The following DAB1 variants were observed in gnomAD, a reference collection of about 807,000 sequenced individuals.
The protein encoded by DAB1 is disabled homolog 1.
A neutral mutation model predicts 64.6 loss-of-function variants in DAB1; 15 were observed. That is an observed-to-expected ratio of 0.23 (90% CI 0.16 to 0.36). The LOEUF (loss-of-function observed/expected upper bound fraction) is 0.36, where lower values mean the gene tolerates loss of function less well. Ranked by LOEUF, DAB1 falls within the 10% of genes least tolerant of loss-of-function variation. DAB1 has a pLI of 1.00. For synonymous variants in DAB1, 235 were observed against 251.9 expected (o/e 0.93, Z 0.64); for missense variants, 596 against 706.7 (o/e 0.84, Z 1.78).
intron 5 of DAB1, among the ~76,000 whole-genome samples, chr1:58,101,303 C>T (rs986051809): frequency 4.6e-5 from 7 of 151,818 alleles, no homozygotes; most frequent in African/African-American, 1.7e-4. Flanking sequence ...GGCGACAGAG[C>T]GAGACTCCGT....
At chr1:58,404,140 A>T (rs1421848157) in intron 3 of DAB1, among the ~76,000 whole-genome samples, 1 of 152,100 alleles carries the variant, frequency 6.6e-6, no homozygotes, top group Non-Finnish European at 1.5e-5. Context: ...CATCCAGGGG[A>T]GTGGTGAGAC....
chr1:57,751,428 C>G (rs907644319), intron 6 of DAB1, among the ~76,000 whole-genome samples: 30 of 152,036 alleles, frequency 2.0e-4, no homozygotes, highest in African/African-American at 7.0e-4. Context: ...TGAGCAGCAA[C>G]TGGAGGGGGA....
intron 1 of DAB1, among the ~76,000 whole-genome samples, chr1:57,358,062 G>T (rs909405586): frequency 2.0e-5 from 3 of 151,958 alleles, no homozygotes; most frequent in Admixed American, 2.0e-4. Context: ...AGTCTTTAGG[G>T]TTTTCTATAT....
At chr1:58,188,021 G>T (rs1453571946) in intron 4 of DAB1, among the ~76,000 whole-genome samples, 1 of 151,368 alleles carries the variant, frequency 6.6e-6, no homozygotes, top group East Asian at 1.9e-4. Flanking sequence ...CGATTCTCCT[G>T]CCTCAGCCTC....
At chr1:58,449,738 C>T (rs969732807) in intron 3 of DAB1, among the ~76,000 whole-genome samples, 1 of 125,062 alleles carries the variant, frequency 8.0e-6, no homozygotes, top group Non-Finnish European at 1.9e-5. Context: ...GAGACAACTT[C>T]CTGAAGCCAG....
intron 4 of DAB1, among the ~76,000 whole-genome samples, chr1:58,326,110 C>T (rs1445257134): frequency 2.0e-5 from 3 of 152,182 alleles, no homozygotes; most frequent in Admixed American, 6.5e-5. Context: ...TCCCCAATCA[C>T]GTAGCATTAT....
intron 7 of DAB1, among the ~76,000 whole-genome samples, chr1:57,530,075 G>A (rs745452067): frequency 1.3e-5 from 2 of 152,134 alleles, no homozygotes; most frequent in African/African-American, 4.8e-5. Flanking sequence ...AGAATCCAGA[G>A]TAAATACATG....
intron 5 of DAB1, among the ~76,000 whole-genome samples, chr1:58,026,730 G>A (rs1217165931): frequency 6.6e-6 from 1 of 152,182 alleles, no homozygotes; most frequent in Admixed American, 6.5e-5. Flanking sequence ...TCTTTCATGG[G>A]TTGCTCCTTT....
At chr1:57,557,505 G>T (rs1217382638) in intron 7 of DAB1, among the ~76,000 whole-genome samples, 1 of 151,734 alleles carries the variant, frequency 6.6e-6, no homozygotes, top group Non-Finnish European at 1.5e-5. Flanking sequence ...TGTACCTCTA[G>T]AAAACCCTGA....
chr1:57,428,841 CAA>C (rs55678877), upstream of DAB1, among the ~76,000 whole-genome samples: 1,604 of 69,606 alleles, frequency 0.023, 34 homozygotes, highest in African/African-American at 0.069. Context: ...TTGTCTTTTA[CAA>C]AAAAAAAAAA....
chr1:57,237,897 A>C (rs2764663), intron 2 of DAB1, among the ~76,000 whole-genome samples: 71,648 of 151,906 alleles, frequency 0.47, 18,871 homozygotes, highest in East Asian at 0.59. Flanking sequence ...TATGGACATA[A>C]AATTAATGGA....
At chr1:58,173,346 C>T (rs937435430) in intron 4 of DAB1, among the ~76,000 whole-genome samples, 2 of 152,174 alleles carry the variant, frequency 1.3e-5, no homozygotes, top group African/African-American at 4.8e-5. Context: ...CAGCTCCATT[C>T]AGATGGCTTG....
chr1:57,101,081 A>C (rs542404104), intron 4 of DAB1, among the ~76,000 whole-genome samples: 1 of 152,200 alleles, frequency 6.6e-6, no homozygotes, highest in African/African-American at 2.4e-5. Flanking sequence ...CCCACAGCCC[A>C]TCCACATCTG....
At chr1:57,281,407 T>A (rs1570150457) in intron 2 of DAB1, among the ~76,000 whole-genome samples, 1 of 152,238 alleles carries the variant, frequency 6.6e-6, no homozygotes, top group Admixed American at 6.5e-5. Flanking sequence ...AGAAAAAATG[T>A]ATTCCCAGGA....
intron 1 of DAB1, among the ~76,000 whole-genome samples, chr1:58,533,426 A>C (rs34404284): frequency 0.019 from 2,919 of 152,242 alleles, 36 homozygotes; most frequent in Non-Finnish European, 0.029. Flanking sequence ...TAAAATTATG[A>C]ATGGGAAGCC....
chr1:57,154,630 T>C (rs1660036779), intron 2 of DAB1, among the ~76,000 whole-genome samples: 1 of 152,218 alleles, frequency 6.6e-6, no homozygotes, highest in African/African-American at 2.4e-5. Flanking sequence ...CTGTTCTCCA[T>C]AGTGGTTGTA....
At chr1:57,579,882 T>A (rs751051382) in intron 7 of DAB1, among the ~76,000 whole-genome samples, 1 of 152,168 alleles carries the variant, frequency 6.6e-6, no homozygotes, top group Admixed American at 6.5e-5. Flanking sequence ...AGAGGTTTCA[T>A]TACACTCACA....
At chr1:57,063,895 C>A (rs967003030) in intron 8 of DAB1, among the ~76,000 whole-genome samples, 3 of 152,188 alleles carry the variant, frequency 2.0e-5, no homozygotes, top group Non-Finnish European at 4.4e-5. Flanking sequence ...TTGTTCCTTT[C>A]CCAGGAACTG....
chr1:57,932,910 G>A (rs1321425472), intron 5 of DAB1, among the ~76,000 whole-genome samples: 2 of 152,140 alleles, frequency 1.3e-5, no homozygotes, highest in Non-Finnish European at 2.9e-5. Flanking sequence ...GGTCAGTTAG[G>A]CTCTCATAAA....
Sources: gnomAD v4.1 joint callset for allele counts (sites outside exome capture counted in the v4.1 genomes callset) on GRCh38, gnomAD v4.1.1 for gene constraint, MANE v1.5 for transcripts, NCBI Gene and HGNC (gene_info 2026-07-23, HGNC 2026-07-21) for gene names.